The following ZMIZ1 variants were observed in gnomAD, a reference collection of about 807,000 sequenced individuals.
ZMIZ1 encodes zinc finger MIZ-type containing 1, also known as zinc finger MIZ domain-containing protein 1.
A neutral mutation model predicts 113.9 loss-of-function variants in ZMIZ1; 17 were observed. The observed-to-expected ratio is 0.15, with a 90% CI of 0.10 to 0.22. ZMIZ1 has a LOEUF of 0.22. ZMIZ1 is among the 10% of genes least tolerant of loss of function. The probability of loss-of-function intolerance (pLI) is 1.00; values close to 1 mark genes in which losing one functional copy is unlikely to be tolerated. For synonymous variants in ZMIZ1, 607 were observed against 603.1 expected (o/e 1.01, Z -0.09); for missense variants, 1,059 against 1,477.8 (o/e 0.72, Z 4.65).
At chr10:79,184,192 C>G (rs1322830842) in intron 4 of ZMIZ1, among the ~76,000 whole-genome samples, 1 of 152,172 alleles carries the variant, frequency 6.6e-6, no homozygotes, top group African/African-American at 2.4e-5. Flanking sequence ...GGGAGGTGAG[C>G]AGAGGGGAGG....
At chr10:79,209,168 G>A (rs1008590289) in intron 6 of ZMIZ1, among the ~76,000 whole-genome samples, 8 of 143,738 alleles carry the variant, frequency 5.6e-5, no homozygotes, top group African/African-American at 2.4e-4. Context: ...AGGAGTGCTC[G>A]GGGCACAAGC....
rs1855343067 is a variant in ZMIZ1 at position 79,313,531 on chromosome 10, C to G, written c.*782C>G. On this transcript the variant is annotated 3_prime_UTR_variant, in exon 25 of 25. Transcript: ENST00000334512. ...CTCCACCTCCAAGCTCAGACAGGGC[C>G]CAGGCTTGGGGAACAGAGAGAGCAG... 1 of 162,698 alleles carries G rather than the reference C, an allele frequency of 6.1e-6. No homozygotes were observed. Among genetic ancestry groups the G allele is most frequent in the Admixed American group, 6.0e-5 (1 of 16,532 alleles). The allele number at this position is 162,698 out of a possible 1,614,324, so 10.1% of individuals were successfully genotyped here.
rs183421744 is a variant in ZMIZ1 at position 79,225,582 on chromosome 10, A to G, written c.280+9308A>G. ...TCTCTACAAAAAAATTTTTTTAATT[A>G]AAAAAAAGGGGAGGTAAAGGGTGAA... is the stretch of plus-strand genomic sequence containing the variant. On this transcript the variant is annotated intron_variant, in intron 7 of 24. Transcript: ENST00000334512. 4.1e-3 allele frequency among the ~76,000 whole-genome samples: 623 copies of G among 152,010 alleles called. 1 individual carries two copies. The highest frequency in any genetic ancestry group is 0.014 in the African/African-American group (576 of 41,396).
chr10:79,193,683 A>G (rs1293939451), intron 4 of ZMIZ1, among the ~76,000 whole-genome samples: 2 of 152,140 alleles, frequency 1.3e-5, no homozygotes, highest in Non-Finnish European at 2.9e-5. Flanking sequence ...TGACAGCGAC[A>G]TGGAGGGGAT....
At chr10:79,292,007 TG>T (rs1853524352) in intron 10 of ZMIZ1, 150 bp from the exon 11 acceptor site, 1 of 809,234 alleles carries the variant, frequency 1.2e-6, no homozygotes, top group Non-Finnish European at 2.0e-6. Flanking sequence ...CGTTGCCAAG[TG>T]GCACAAATGA....
At chr10:79,250,138 C>A (rs78460004) in intron 7 of ZMIZ1, among the ~76,000 whole-genome samples, 2,639 of 152,352 alleles carry the variant, frequency 0.017, 57 homozygotes, top group East Asian at 0.045. Flanking sequence ...CATCCCCTCG[C>A]AGCATGGGCT....
At chr10:79,084,478 G>A (rs1238056266) in intron 1 of ZMIZ1, among the ~76,000 whole-genome samples, 1 of 152,204 alleles carries the variant, frequency 6.6e-6, no homozygotes, top group African/African-American at 2.4e-5. Flanking sequence ...GGTCAAAGAG[G>A]GCAGCTCTAT....
chr10:79,269,986 C>T (rs1018783435), intron 7 of ZMIZ1, among the ~76,000 whole-genome samples: 3 of 152,226 alleles, frequency 2.0e-5, no homozygotes, highest in Non-Finnish European at 4.4e-5. Flanking sequence ...GGCACTCAGG[C>T]GATTCCTGAA....
chr10:79,173,774 A>T (rs186151816), intron 4 of ZMIZ1, among the ~76,000 whole-genome samples: 3 of 152,286 alleles, frequency 2.0e-5, no homozygotes, highest in East Asian at 3.9e-4. Flanking sequence ...ATCTGTTTCA[A>T]GTATGAGTAA....
intron 7 of ZMIZ1, among the ~76,000 whole-genome samples, chr10:79,258,160 T>G (rs994178464): frequency 3.3e-5 from 5 of 152,162 alleles, no homozygotes; most frequent in African/African-American, 1.2e-4. Context: ...GACAGGAGGA[T>G]TGCCTGAGCC....
At chr10:79,181,741 C>G (rs1847128643) in intron 4 of ZMIZ1, among the ~76,000 whole-genome samples, 1 of 152,204 alleles carries the variant, frequency 6.6e-6, no homozygotes, top group Non-Finnish European at 1.5e-5. Context: ...TTGAGCCCAT[C>G]CCTCCCTGCT....
chr10:79,254,370 T>G (rs994194673), intron 7 of ZMIZ1, among the ~76,000 whole-genome samples: 1 of 152,226 alleles, frequency 6.6e-6, no homozygotes, highest in Non-Finnish European at 1.5e-5. Context: ...CCTGGCTGCC[T>G]TTGGGGACAT....
chr10:79,159,182 C>T (rs926676411), intron 3 of ZMIZ1, among the ~76,000 whole-genome samples: 3 of 152,184 alleles, frequency 2.0e-5, no homozygotes, highest in African/African-American at 7.2e-5. Flanking sequence ...CACAAAAGAG[C>T]GCTCCCCTCC....
At position 79,159,451 on chromosome 10, in the gene ZMIZ1, G is replaced by A. The variant is rs575828128; in HGVS notation, c.-130-2602G>A. On this transcript the variant is annotated intron_variant, in intron 3 of 24. Transcript: ENST00000334512. ...AGCAGGGCTGCTGAGCAGCTCCCAG[G>A]GCTGGGCAGGGTTCAGGCTCTCCGG... Among the ~76,000 whole-genome samples, 199 of 152,342 alleles carry A rather than the reference G, an allele frequency of 1.3e-3. 2 individuals are homozygous for A. The highest frequency in any genetic ancestry group is 4.0e-3 in the African/African-American group (165 of 41,584).
chr10:79,113,542 C>T (rs1475934690), intron 1 of ZMIZ1, among the ~76,000 whole-genome samples: 3 of 152,234 alleles, frequency 2.0e-5, no homozygotes, highest in Non-Finnish European at 4.4e-5. Context: ...CTGCTCCACA[C>T]TCCACTTTAT....
chr10:79,075,509 C>T (rs1214997968), intron 1 of ZMIZ1, among the ~76,000 whole-genome samples: 1 of 152,180 alleles, frequency 6.6e-6, no homozygotes, highest in African/African-American at 2.4e-5. Context: ...TTGGCAGTTA[C>T]CTGTCTTATA....
intron 7 of ZMIZ1, 35 bp downstream of exon 7, chr10:79,216,309 G>C: frequency 3.2e-6 from 5 of 1,545,426 alleles, no homozygotes; most frequent in Non-Finnish European, 4.4e-6. Context: ...GATGTCACTG[G>C]GAGGTGGGGA....
In ZMIZ1 at chr10:79,313,698, C is replaced by G; in HGVS notation, c.*949C>G. 1 of 286,266 alleles carries G rather than the reference C, an allele frequency of 3.5e-6. No homozygotes were observed. Among genetic ancestry groups the G allele is most frequent in the Non-Finnish European group, 6.9e-6 (1 of 144,862 alleles). The allele number at this position is 286,266 out of a possible 1,614,324, so 17.7% of individuals were successfully genotyped here. A position where few individuals can be genotyped will look rare whatever the true frequency, so the allele number is the denominator to read the frequency against. ...CAGCAACAATTTAAAGCTATGAAGT[C>G]ACCTGGAGAAAAGGAACGTTGCTCT... is the stretch of plus-strand genomic sequence containing the variant. On this transcript the variant is annotated 3_prime_UTR_variant, in exon 25 of 25. Transcript: ENST00000334512.
intron 8 of ZMIZ1, among the ~76,000 whole-genome samples, chr10:79,287,162 C>T (rs1199008577): frequency 6.6e-6 from 1 of 152,246 alleles, no homozygotes; most frequent in East Asian, 1.9e-4. Flanking sequence ...CAGTCTGGAA[C>T]CAGGTGGTGT....
Sources: allele counts gnomAD v4.1 joint callset (sites outside exome capture counted in the v4.1 genomes callset), GRCh38; gene constraint gnomAD v4.1.1; transcripts MANE v1.5; gene names NCBI Gene and HGNC (gene_info 2026-07-23, HGNC 2026-07-21).